The following BLMH variants were observed in gnomAD, a reference collection of about 807,000 sequenced individuals.
The protein encoded by BLMH is BLM hydrolase.
Under a neutral mutation model 61.6 loss-of-function variants are expected in BLMH, and 32 were observed. The observed-to-expected ratio is 0.52, with a 90% CI of 0.39 to 0.70. The LOEUF (loss-of-function observed/expected upper bound fraction) is 0.70, where lower values mean the gene tolerates loss of function less well. BLMH is among the 30% of genes least tolerant of loss of function. The pLI, the probability that BLMH is intolerant of heterozygous loss-of-function variation, is 0.00. For synonymous variants in BLMH, 183 were observed against 193.8 expected (o/e 0.94, Z 0.46); for missense variants, 460 against 555.5 (o/e 0.83, Z 1.73).
intron 6 of BLMH, among the ~76,000 whole-genome samples, chr17:30,276,888 T>C (rs1908439220): frequency 6.6e-6 from 1 of 152,242 alleles, no homozygotes; most frequent in Non-Finnish European, 1.5e-5. Flanking sequence ...AGATAACCAC[T>C]GTTTTTACTT....
At chr17:30,261,167 T>C (rs1293880976) in intron 11 of BLMH, among the ~76,000 whole-genome samples, 1 of 152,224 alleles carries the variant, frequency 6.6e-6, no homozygotes, top group Non-Finnish European at 1.5e-5. Context: ...TGATTGTCTT[T>C]TGTAAGTAAT....
chr17:30,257,966 T>G (rs1174110614), intron 11 of BLMH, among the ~76,000 whole-genome samples: 2 of 152,188 alleles, frequency 1.3e-5, no homozygotes, highest in African/African-American at 4.8e-5. Context: ...ACCCTATTTT[T>G]GTTGGGTCCA....
chr17:30,266,928 T>C lies in BLMH; in HGVS notation c.1173A>G (p.Lys391=). Residue 391 remains lysine (K), a synonymous_variant, in exon 11 of 12, where the codon AAA becomes AAG. Transcript: ENST00000261714. ...CACCCCATGAATTCTCCACTCTCCATTTTGTGAAAGCACCATCCTGATCAT... is the reference window on the plus strand; with the variant it reads ...CACCCCATGAATTCTCCACTCTCCACTTTGTGAAAGCACCATCCTGATCAT... ...EKDDQDGAFT[K]WRVENSWGED... is the part of the protein sequence containing the mutation. 6.2e-7 allele frequency: 1 copy of C among 1,614,106 alleles called. No homozygotes were observed. The highest frequency in any genetic ancestry group is 8.5e-7 in the Non-Finnish European group (1 of 1,179,958).
chr17:30,266,839 G>C (rs990258087), intron 11 of BLMH, 46 bp downstream of exon 11: 3 of 1,558,140 alleles, frequency 1.9e-6, no homozygotes, highest in East Asian at 2.2e-5. Flanking sequence ...AGGCAGAGTA[G>C]AGCAGGCCCA....
chr17:30,251,561 G>GTTTGTA lies in BLMH; in HGVS notation c.1217-2399_1217-2394dup, dbSNP rs543260923. On this transcript the variant is annotated intron_variant, in intron 11 of 11. Transcript: ENST00000261714. Reference sequence around the variant, plus strand: ...ACACTGGAGCCATTTTTCTCTGAAAGTTTGTATAAACCTAGGCCTGTGCTA... The same window carrying GTTTGTA: ...ACACTGGAGCCATTTTTCTCTGAAAGTTTGTATTTGTATAAACCTAGGCCTGTGCTA... Among the ~76,000 whole-genome samples, 361 of 152,372 alleles carry GTTTGTA rather than the reference G, an allele frequency of 2.4e-3. 2 individuals are homozygous for GTTTGTA. The highest frequency in any genetic ancestry group is 6.8e-3 in the Middle Eastern group (2 of 294).
At chr17:30,253,046 C>A (rs1907715967) in intron 11 of BLMH, among the ~76,000 whole-genome samples, 1 of 152,170 alleles carries the variant, frequency 6.6e-6, no homozygotes. Flanking sequence ...GAGCTTTCAG[C>A]AAGCAGGAGA....
chr17:30,266,951 C>T lies in BLMH; in HGVS notation c.1150G>A (p.Asp384Asn), dbSNP rs141184460. The stretch of plus-strand genomic sequence containing the variant: ...CATTTTGTGAAAGCACCATCCTGAT[C>T]ATCCTGCAAAAAAGTGGATGATGGT... Reference protein sequence around the residue: ...MTFTAVSEKDDQDGAFTKWRV... With the variant: ...MTFTAVSEKDNQDGAFTKWRV... Residue 384 changes from aspartate (D) to asparagine (N), a missense_variant, in exon 11 of 12, where the codon GAT becomes AAT. Physicochemically the swap from Asp to Asn is conservative, Grantham distance 23. Transcript: ENST00000261714. The T allele has an allele frequency of 5.0e-6, 8 of 1,613,884 alleles. No individual in the cohort carries two copies. Among genetic ancestry groups the T allele is most frequent in the African/African-American group, 1.3e-5 (1 of 74,902 alleles).
intron 11 of BLMH, among the ~76,000 whole-genome samples, chr17:30,252,513 A>T (rs1484452229): frequency 7.4e-6 from 1 of 134,610 alleles, no homozygotes; most frequent in African/African-American, 2.8e-5. Context: ...CCTGGGCAAC[A>T]TGGCGAAACC....
intron 5 of BLMH, among the ~76,000 whole-genome samples, chr17:30,285,750 G>T (rs777541804): frequency 7.4e-4 from 113 of 152,310 alleles, no homozygotes; most frequent in Non-Finnish European, 1.3e-3. Context: ...TGTTTTATGT[G>T]TCTGGGCATG....
chr17:30,270,252 C>A (rs1157936385), intron 10 of BLMH, among the ~76,000 whole-genome samples: 1 of 152,158 alleles, frequency 6.6e-6, no homozygotes, highest in African/African-American at 2.4e-5. Context: ...GTAATCCCAG[C>A]ACTTTGGGAA....
intron 11 of BLMH, among the ~76,000 whole-genome samples, chr17:30,250,750 A>G (rs1907647413): frequency 6.6e-6 from 1 of 152,202 alleles, no homozygotes; most frequent in African/African-American, 2.4e-5. Flanking sequence ...CCAAAGGAAA[A>G]GAGGTCACTA....
chr17:30,267,664 G>C (rs1159080864), intron 10 of BLMH, among the ~76,000 whole-genome samples: 1 of 152,202 alleles, frequency 6.6e-6, no homozygotes, highest in African/African-American at 2.4e-5. Flanking sequence ...TAAAGGGACA[G>C]TGATACTCAT....
At chr17:30,272,971 G>C (rs1302241522) in intron 7 of BLMH, 72 bp from the exon 8 acceptor site, 2 of 1,502,544 alleles carry the variant, frequency 1.3e-6, no homozygotes, top group African/African-American at 2.8e-5. Context: ...CTCTCCTCTA[G>C]GTTCATGTTT....
At chr17:30,256,157 G>T (rs1031500336) in intron 11 of BLMH, among the ~76,000 whole-genome samples, 2 of 152,090 alleles carry the variant, frequency 1.3e-5, no homozygotes, top group African/African-American at 4.8e-5. Flanking sequence ...AAACCTCTGG[G>T]GTTACAGGGG....
chr17:30,263,980 C>T (rs1320224814), intron 11 of BLMH, among the ~76,000 whole-genome samples: 2 of 152,208 alleles, frequency 1.3e-5, no homozygotes, highest in Non-Finnish European at 2.9e-5. Context: ...CTCAGACCTG[C>T]CAGCCAATGT....
Position 30,291,943 on chromosome 17 carries a change from A to G in BLMH, c.-124T>C. 2.6e-6 allele frequency: 3 copies of G among 1,133,974 alleles called. No individual in the cohort carries two copies. Among genetic ancestry groups the G allele is most frequent in the Non-Finnish European group, 3.4e-6 (3 of 880,304 alleles). 70.2% of individuals were successfully genotyped at this position (1,133,974 alleles called of 1,614,324 possible). On this transcript the variant is annotated 5_prime_UTR_variant, in exon 1 of 12. Transcript: ENST00000261714. ...CTCTCGCACCCGGAGCGCCGGAAAA[A>G]GGAAACCGGCTCGGCGGCGGCGGCG...
chr17:30,272,736 C>T lies in BLMH; in HGVS notation c.960+5G>A. ...CAATGTGCAAAATACAGAAACAATA[C>T]CAACCTCTCCATCTTTGATGGAGGC... On this transcript the variant is annotated splice_donor_5th_base_variant and intron_variant, in intron 8 of 11. Transcript: ENST00000261714. 1.2e-6 allele frequency: 2 copies of T among 1,614,076 alleles called. No homozygotes were observed. Among genetic ancestry groups the T allele is most frequent in the South Asian group, 1.1e-5 (1 of 91,074 alleles).
At chr17:30,290,711 G>GT (rs769921840) in intron 2 of BLMH, among the ~76,000 whole-genome samples, 4 of 152,180 alleles carry the variant, frequency 2.6e-5, no homozygotes, top group East Asian at 1.9e-4. Flanking sequence ...CACTATACCT[G>GT]TTTTTTCTGA....
chr17:30,258,408 G>A (rs1907872348), intron 11 of BLMH, among the ~76,000 whole-genome samples: 1 of 152,112 alleles, frequency 6.6e-6, no homozygotes, highest in African/African-American at 2.4e-5. Flanking sequence ...TCTTATAGCC[G>A]GATATTACTT....
Sources: gnomAD v4.1 joint callset for allele counts (sites outside exome capture counted in the v4.1 genomes callset) on GRCh38, gnomAD v4.1.1 for gene constraint, MANE v1.5 for transcripts, NCBI Gene and HGNC (gene_info 2026-07-23, HGNC 2026-07-21) for gene names.